Variants in CDYL observed in about 807,000 individuals in gnomAD.
The protein encoded by CDYL is chromodomain Y-like protein.
CDYL carries 8 observed loss-of-function variants against 47.3 expected under a neutral mutation model. The ratio of observed to expected loss-of-function variants is 0.17; its 90% CI spans 0.10 to 0.31. The LOEUF (loss-of-function observed/expected upper bound fraction) is 0.31, where lower values mean the gene tolerates loss of function less well. CDYL is among the 10% of genes least tolerant of loss of function. The probability of loss-of-function intolerance (pLI) is 1.00; values close to 1 mark genes in which losing one functional copy is unlikely to be tolerated. For synonymous variants in CDYL, 266 were observed against 265.0 expected (o/e 1.00, Z -0.04); for missense variants, 471 against 701.4 (o/e 0.67, Z 3.71).
At chr6:4,744,626 T>C (rs1054190421) in intron 3 of CDYL, among the ~76,000 whole-genome samples, 1 of 152,224 alleles carries the variant, frequency 6.6e-6, no homozygotes, top group African/African-American at 2.4e-5. Flanking sequence ...TGCCAGGCAG[T>C]GTACTAAATT....
intron 1 of CDYL, among the ~76,000 whole-genome samples, chr6:4,859,813 A>G (rs1163784712): frequency 6.6e-6 from 1 of 152,118 alleles, no homozygotes; most frequent in Non-Finnish European, 1.5e-5. Context: ...CTGCAGGCAG[A>G]CAGCTCTGAG....
At chr6:4,743,290 C>G (rs1757830291) in intron 3 of CDYL, among the ~76,000 whole-genome samples, 1 of 152,204 alleles carries the variant, frequency 6.6e-6, no homozygotes, top group Admixed American at 6.5e-5. Context: ...TGGGCTTGCA[C>G]TCACTGGAAG....
intron 5 of CDYL, among the ~76,000 whole-genome samples, chr6:4,948,495 G>A (rs919691231): frequency 1.3e-5 from 2 of 151,538 alleles, no homozygotes; most frequent in Admixed American, 6.6e-5. Context: ...ATGTACTGGT[G>A]CCTCTTGAGC....
At chr6:4,768,683 T>C (rs923390501) in intron 3 of CDYL, among the ~76,000 whole-genome samples, 7 of 152,164 alleles carry the variant, frequency 4.6e-5, no homozygotes, top group African/African-American at 1.7e-4. Context: ...GGAAACATAA[T>C]CCTCATTTCT....
intron 1 of CDYL, among the ~76,000 whole-genome samples, chr6:4,820,165 A>G (rs1759794807): frequency 6.6e-6 from 1 of 152,220 alleles, no homozygotes; most frequent in African/African-American, 2.4e-5. Context: ...ACAGAGAGCT[A>G]GATTTTCCCC....
intron 1 of CDYL, among the ~76,000 whole-genome samples, chr6:4,831,723 C>T (rs1760150232): frequency 6.6e-6 from 1 of 152,132 alleles, no homozygotes; most frequent in Middle Eastern, 3.2e-3. Flanking sequence ...ATGGAATGTT[C>T]TTCCATTTGT....
At chr6:4,836,277 T>C (rs1176219023) in intron 1 of CDYL, 1 of 984,628 alleles carries the variant, frequency 1.0e-6, no homozygotes. Context: ...CAAAACTACA[T>C]AAAGAAGAAA....
intron 3 of CDYL, among the ~76,000 whole-genome samples, chr6:4,758,782 C>T (rs1007403709): frequency 3.9e-5 from 6 of 152,038 alleles, no homozygotes; most frequent in South Asian, 2.1e-4. Flanking sequence ...ACATATTTTT[C>T]GATGTATATT....
chr6:4,747,081 G>A (rs181239150), intron 3 of CDYL, among the ~76,000 whole-genome samples: 9 of 152,208 alleles, frequency 5.9e-5, no homozygotes, highest in Admixed American at 5.2e-4. Flanking sequence ...GGTCGAGGCG[G>A]GCCGATCATG....
intron 3 of CDYL, among the ~76,000 whole-genome samples, chr6:4,749,256 A>G (rs1757946744): frequency 6.6e-6 from 1 of 152,140 alleles, no homozygotes. Context: ...AGCCTGGCAC[A>G]AAAGTAGTTT....
chr6:4,867,046 T>C (rs530296188), intron 1 of CDYL, among the ~76,000 whole-genome samples: 1 of 152,282 alleles, frequency 6.6e-6, no homozygotes, highest in East Asian at 1.9e-4. Context: ...TCGCCTAGCA[T>C]TAACAATTAG....
intron 1 of CDYL, among the ~76,000 whole-genome samples, chr6:4,835,792 C>G (rs1313588295): frequency 1.3e-5 from 2 of 152,210 alleles, no homozygotes; most frequent in East Asian, 3.9e-4. Context: ...GCCGGCGTCC[C>G]TCTCCCAGCC....
chr6:4,904,139 C>T (rs1330079860), intron 2 of CDYL, among the ~76,000 whole-genome samples: 1 of 152,240 alleles, frequency 6.6e-6, no homozygotes. Flanking sequence ...GAAAGTTCAG[C>T]CCTGCCGTTG....
At chr6:4,925,935 C>A (rs763016409) in intron 2 of CDYL, among the ~76,000 whole-genome samples, 1 of 152,120 alleles carries the variant, frequency 6.6e-6, no homozygotes, top group Non-Finnish European at 1.5e-5. Flanking sequence ...TAGAACTATG[C>A]GCTTCATGTA....
chr6:4,720,086 T>C (rs894342149), intron 2 of CDYL, among the ~76,000 whole-genome samples: 1 of 152,342 alleles, frequency 6.6e-6, no homozygotes, highest in Non-Finnish European at 1.5e-5. Context: ...GCAAAGTGCA[T>C]ATGTGGGTAA....
At chr6:4,949,635 G>T (rs11969290) in intron 5 of CDYL, among the ~76,000 whole-genome samples, 3 of 152,240 alleles carry the variant, frequency 2.0e-5, no homozygotes, top group African/African-American at 7.2e-5. Flanking sequence ...TCAGAGCAAC[G>T]TGCTAGCTGG....
chr6:4,774,925 C>A (rs1440304921), upstream of CDYL, among the ~76,000 whole-genome samples: 2 of 152,182 alleles, frequency 1.3e-5, no homozygotes, highest in African/African-American at 4.8e-5. Context: ...AGAAGCACCG[C>A]TTAAGGGGAA....
chr6:4,708,454 C>A (rs1757086770), intron 1 of CDYL, among the ~76,000 whole-genome samples: 1 of 152,076 alleles, frequency 6.6e-6, no homozygotes, highest in Non-Finnish European at 1.5e-5. Flanking sequence ...GCCACCACAC[C>A]TGGCCATATA....
intron 3 of CDYL, among the ~76,000 whole-genome samples, chr6:4,749,164 CAATA>C (rs1483084254): frequency 1.3e-5 from 2 of 152,200 alleles, no homozygotes; most frequent in Admixed American, 6.5e-5. Context: ...TAAAGTAAGT[CAATA>C]AACATTTCAT....
Sources: gnomAD v4.1 joint callset for allele counts (sites outside exome capture counted in the v4.1 genomes callset) on GRCh38, gnomAD v4.1.1 for gene constraint, MANE v1.5 for transcripts, NCBI Gene and HGNC (gene_info 2026-07-23, HGNC 2026-07-21) for gene names.